Variants in DIS3L2 observed in about 807,000 individuals in gnomAD.
DIS3L2 encodes DIS3 like 3'-5' exoribonuclease 2.
A neutral mutation model predicts 97.5 loss-of-function variants in DIS3L2; 34 were observed. That is an observed-to-expected ratio of 0.35 (90% confidence interval 0.27 to 0.46). DIS3L2 has a LOEUF of 0.46. DIS3L2 is among the 20% of genes least tolerant of loss of function. The pLI, the probability that DIS3L2 is intolerant of heterozygous loss-of-function variation, is 1.00. For missense variants in DIS3L2, 1,038 were observed against 1,146.0 expected (o/e 0.91, Z 1.36); for synonymous variants, 435 against 445.2 (o/e 0.98, Z 0.29).
chr2:232,296,360 C>T (rs1211968053), intron 13 of DIS3L2, among the ~76,000 whole-genome samples: 2 of 152,178 alleles, frequency 1.3e-5, no homozygotes, highest in Non-Finnish European at 2.9e-5. Context: ...GCCTCAAGTT[C>T]CTCATCTGTT....
chr2:232,241,299 A>G (rs865977667), intron 11 of DIS3L2, among the ~76,000 whole-genome samples: 4 of 152,242 alleles, frequency 2.6e-5, no homozygotes, highest in African/African-American at 9.6e-5. Flanking sequence ...CACTTGGCAC[A>G]ATCATTTCTC....
At chr2:232,278,570 G>A (rs745581009) in intron 13 of DIS3L2, among the ~76,000 whole-genome samples, 14 of 152,194 alleles carry the variant, frequency 9.2e-5, no homozygotes, top group Non-Finnish European at 1.9e-4. Flanking sequence ...TCCGTTGGTA[G>A]CATTTTAAGT....
intron 4 of DIS3L2, among the ~76,000 whole-genome samples, chr2:232,025,184 G>A (rs1694624014): frequency 6.6e-6 from 1 of 152,012 alleles, no homozygotes. Flanking sequence ...TACAGATTGA[G>A]CACCCCTTAT....
chr2:232,297,812 C>T (rs886432368), intron 13 of DIS3L2, among the ~76,000 whole-genome samples: 9 of 151,522 alleles, frequency 5.9e-5, no homozygotes, highest in East Asian at 1.9e-4. Flanking sequence ...AAACGATTCT[C>T]GTGTCTCAGC....
chr2:232,146,063 A>G (rs1690207821), intron 8 of DIS3L2, among the ~76,000 whole-genome samples: 1 of 152,192 alleles, frequency 6.6e-6, no homozygotes, highest in Non-Finnish European at 1.5e-5. Flanking sequence ...CCTTGCTGCT[A>G]TATTCCATGA....
At chr2:232,077,959 T>C (rs900130236) in intron 5 of DIS3L2, among the ~76,000 whole-genome samples, 14 of 31,238 alleles carry the variant, frequency 4.5e-4, no homozygotes, top group South Asian at 1.0e-3. Context: ...TTCTTTCTCT[T>C]TCTTTCTTTC....
At position 232,281,992 on chromosome 2, in the gene DIS3L2, A is replaced by C. The variant is rs919503197; in HGVS notation, c.1660-18048A>C. On this transcript the variant is annotated intron_variant, in intron 13 of 20. Coordinates refer to ENST00000325385, the MANE Select transcript of DIS3L2 (RefSeq NM_152383.5). The surrounding 1 kb of genome is among the most constrained non-coding windows in gnomAD (Gnocchi z 4.1). Reference sequence around the variant, plus strand: ...GAGCACACAGGCACTTAGGAGCAGCACGTGGCACCCATGAAAGCCTCCATC... The same window carrying C: ...GAGCACACAGGCACTTAGGAGCAGCCCGTGGCACCCATGAAAGCCTCCATC... Among the ~76,000 whole-genome samples, 5 of 152,084 alleles carry C rather than the reference A, an allele frequency of 3.3e-5. No individual in the cohort carries two copies. Among genetic ancestry groups the C allele is most frequent in the Non-Finnish European group, 7.4e-5 (5 of 68,010 alleles).
At chr2:232,206,553 C>T (rs1377508112) in intron 9 of DIS3L2, among the ~76,000 whole-genome samples, 1 of 152,106 alleles carries the variant, frequency 6.6e-6, no homozygotes, top group East Asian at 1.9e-4. Context: ...ATTTTTTAGT[C>T]ATTTAAACAT....
chr2:232,213,301 G>C (rs550075471), intron 10 of DIS3L2, among the ~76,000 whole-genome samples: 1 of 152,164 alleles, frequency 6.6e-6, no homozygotes, highest in African/African-American at 2.4e-5. Flanking sequence ...TACTGCACCA[G>C]GTGATCAGAT....
chr2:232,157,888 C>T lies in DIS3L2; in HGVS notation c.951-5571C>T, dbSNP rs1022870847. ...CTGCAGCGATGGGGACATACACGGGCGCAGGCCATCCTGCCTCCACAGTGG... is the reference window on the plus strand; with the variant it reads ...CTGCAGCGATGGGGACATACACGGGTGCAGGCCATCCTGCCTCCACAGTGG... On this transcript the variant is annotated intron_variant, in intron 8 of 20. Coordinates refer to ENST00000325385, the MANE Select transcript of DIS3L2 (RefSeq NM_152383.5). 2.6e-5 allele frequency among the ~76,000 whole-genome samples: 4 copies of T among 152,312 alleles called. No homozygotes were observed. In the South Asian group the frequency reaches 6.2e-4, roughly 24 times the overall value.
At chr2:232,069,563 G>A (rs1695952680) in intron 5 of DIS3L2, among the ~76,000 whole-genome samples, 1 of 152,174 alleles carries the variant, frequency 6.6e-6, no homozygotes, top group African/African-American at 2.4e-5. Flanking sequence ...TCACTTCCTT[G>A]CTGTGGTGAT....
At chr2:232,329,785 T>TCCCAGGCCCCC in intron 14 of DIS3L2, 28 bp from the exon 15 acceptor site, 1 of 967,144 alleles carries the variant, frequency 1.0e-6, no homozygotes, top group Non-Finnish European at 1.5e-6. Context: ...ACCCCAGCGG[T>TCCCAGGCCCCC]CCCTCCCATC....
At chr2:232,110,513 C>A (rs1406804718) in intron 6 of DIS3L2, among the ~76,000 whole-genome samples, 2 of 152,092 alleles carry the variant, frequency 1.3e-5, no homozygotes, top group African/African-American at 4.8e-5. Flanking sequence ...GAATACTTTG[C>A]AGCATAAAAA....
chr2:232,021,375 C>A (rs776685164), intron 3 of DIS3L2, among the ~76,000 whole-genome samples: 3 of 151,706 alleles, frequency 2.0e-5, no homozygotes, highest in Non-Finnish European at 4.4e-5. Flanking sequence ...TTAGTGAAAT[C>A]GAAGAGTTGT....
chr2:232,072,397 G>A (rs1696045290), intron 5 of DIS3L2, among the ~76,000 whole-genome samples: 1 of 152,136 alleles, frequency 6.6e-6, no homozygotes. Context: ...CTGTCCTTAT[G>A]GAGATCTTGG....
rs566126805 is a variant in DIS3L2, at chr2:232,037,348, C to A, written c.366+7268C>A. ...TTTGTTTACACTGTGAGGGGAAAAC[C>A]GCCTACTTAAGCCTCCGTAATGGCA... is the stretch of plus-strand genomic sequence containing the variant. On this transcript the variant is annotated intron_variant, in intron 5 of 20. Coordinates refer to ENST00000325385, the MANE Select transcript of DIS3L2 (RefSeq NM_152383.5). The surrounding 1 kb of genome is among the most constrained non-coding windows in gnomAD (Gnocchi z 4.6). Among the ~76,000 whole-genome samples, 1 of 152,164 alleles carries A rather than the reference C, an allele frequency of 6.6e-6. No individual in the cohort carries two copies. The highest frequency in any genetic ancestry group is 2.4e-5 in the African/African-American group (1 of 41,448).
At chr2:232,101,736 A>G (rs1261867946) in intron 6 of DIS3L2, among the ~76,000 whole-genome samples, 1 of 152,260 alleles carries the variant, frequency 6.6e-6, no homozygotes, top group Non-Finnish European at 1.5e-5. Context: ...ATTCTGCTAC[A>G]TACTCAGCAT....
At chr2:231,976,221 T>C (rs72985645) in intron 1 of DIS3L2, among the ~76,000 whole-genome samples, 1,708 of 149,046 alleles carry the variant, frequency 0.011, 19 homozygotes, top group Non-Finnish European at 0.017. Context: ...ATTTAACTAC[T>C]GTATGCTTCT....
intron 5 of DIS3L2, among the ~76,000 whole-genome samples, chr2:232,040,910 C>T (rs748875859): frequency 1.3e-5 from 2 of 152,106 alleles, no homozygotes; most frequent in Non-Finnish European, 2.9e-5. Context: ...GATCTGTATA[C>T]AGATATTGTC....
Sources: allele counts gnomAD v4.1 joint callset (sites outside exome capture counted in the v4.1 genomes callset), GRCh38; gene constraint gnomAD v4.1.1; non-coding constraint Gnocchi (gnomAD v3.1); transcripts MANE v1.5; gene names NCBI Gene and HGNC (gene_info 2026-07-23, HGNC 2026-07-21).